Variants in DLC1 observed in about 807,000 individuals in gnomAD.
DLC1 encodes DLC1 Rho GTPase activating protein.
In DLC1, 54 loss-of-function variants were observed where a neutral mutation model predicts 140.3. The observed-to-expected ratio is 0.38, with a 90% CI of 0.31 to 0.48. The LOEUF (loss-of-function observed/expected upper bound fraction) is 0.48, where lower values mean the gene tolerates loss of function less well. Ranked by LOEUF, DLC1 falls within the 20% of genes least tolerant of loss-of-function variation. The pLI is 0.96. For synonymous variants in DLC1, 986 were observed against 728.1 expected (o/e 1.35, Z -5.70); for missense variants, 2,536 against 1,907.0 (o/e 1.33, Z -6.14).
intron 16 of DLC1, among the ~76,000 whole-genome samples, chr8:13,087,109 G>C (rs1286734278): frequency 2.0e-5 from 3 of 152,148 alleles, no homozygotes; most frequent in Non-Finnish European, 4.4e-5. Context: ...ACAGCAAAAA[G>C]ACCCTCATTA....
chr8:13,263,499 C>T (rs752162478), intron 5 of DLC1, among the ~76,000 whole-genome samples: 1 of 151,766 alleles, frequency 6.6e-6, no homozygotes, highest in Non-Finnish European at 1.5e-5. Context: ...TCATTTCAAA[C>T]TTTATTCATC....
chr8:13,181,443 C>A (rs7835954), intron 5 of DLC1, among the ~76,000 whole-genome samples: 3,956 of 150,768 alleles, frequency 0.026, 167 homozygotes, highest in African/African-American at 0.092. Flanking sequence ...CCCATCAACT[C>A]GTCATTTATA....
At chr8:13,303,934 G>A (rs926498580) in intron 5 of DLC1, among the ~76,000 whole-genome samples, 11 of 152,146 alleles carry the variant, frequency 7.2e-5, no homozygotes, top group South Asian at 6.2e-4. Context: ...TCCTGTCTCC[G>A]CCAGCCATGG....
At chr8:13,299,877 A>T (rs1472160462) in intron 5 of DLC1, among the ~76,000 whole-genome samples, 1 of 152,234 alleles carries the variant, frequency 6.6e-6, no homozygotes, top group African/African-American at 2.4e-5. Flanking sequence ...CACAGTGGCG[A>T]TTCCTCAGAG....
In DLC1 at chr8:13,272,379, T is replaced by A. The variant is rs578188434; in HGVS notation, c.1348+32890A>T. Among the ~76,000 whole-genome samples, 4 of 152,086 alleles carry A rather than the reference T, an allele frequency of 2.6e-5. No individual in the cohort carries two copies. In the South Asian group the frequency reaches 8.3e-4, roughly 32 times the overall value. On this transcript the variant is annotated intron_variant, in intron 5 of 17. Coordinates refer to ENST00000276297, the MANE Select transcript of DLC1 (RefSeq NM_182643.3). ...TCTCTTGAACCAGGGAGGTGGAGGT[T>A]GCAGTGAGCGGAGATCATGCCACTG...
chr8:13,467,016 A>T (rs1263082429), intron 2 of DLC1, among the ~76,000 whole-genome samples: 4 of 151,854 alleles, frequency 2.6e-5, no homozygotes, highest in Non-Finnish European at 4.4e-5. Flanking sequence ...CTTATTTTAG[A>T]TCTTCTTTAA....
chr8:13,316,992 T>C (rs945975767), intron 4 of DLC1, among the ~76,000 whole-genome samples: 2 of 152,210 alleles, frequency 1.3e-5, no homozygotes, highest in Admixed American at 6.5e-5. Flanking sequence ...CCCCAGTCTC[T>C]TCCTATGTGG....
At chr8:13,545,763 T>C (rs1585260359) in intron 1 of DLC1, among the ~76,000 whole-genome samples, 1 of 152,144 alleles carries the variant, frequency 6.6e-6, no homozygotes, top group East Asian at 1.9e-4. Flanking sequence ...AACAAGACTT[T>C]CTATTTTCCT....
chr8:13,347,591 C>G (rs1037875353), intron 4 of DLC1, among the ~76,000 whole-genome samples: 2 of 152,130 alleles, frequency 1.3e-5, no homozygotes, highest in Non-Finnish European at 2.9e-5. Flanking sequence ...AGAGGATAGT[C>G]CTAGGCACCA....
At chr8:13,149,382 C>G (rs894317239) in intron 5 of DLC1, among the ~76,000 whole-genome samples, 7 of 152,182 alleles carry the variant, frequency 4.6e-5, no homozygotes, top group African/African-American at 1.7e-4. Context: ...TTCCTACCCC[C>G]AGAACTTGCT....
rs184406733 is a variant in DLC1, at chr8:13,146,453, A to C, written c.1349-30796T>G. On this transcript the variant is annotated intron_variant, in intron 5 of 17. Coordinates refer to ENST00000276297, the MANE Select transcript of DLC1 (RefSeq NM_182643.3). ...GTGATACTAAAAATAATAACTTTTTAATATCTAAATTTGTAAGTTATTAGA... is the reference window on the plus strand; with the variant it reads ...GTGATACTAAAAATAATAACTTTTTCATATCTAAATTTGTAAGTTATTAGA... Among the ~76,000 whole-genome samples the C allele has an allele frequency of 4.6e-3, 704 of 152,078 alleles. 1 individual carries two copies. Among genetic ancestry groups the C allele is most frequent in the Admixed American group, 9.8e-3 (149 of 15,268 alleles).
chr8:13,085,989 A>G (rs1817524057), intron 17 of DLC1, 58 bp from the exon 18 acceptor site: 7 of 1,594,978 alleles, frequency 4.4e-6, no homozygotes, highest in Non-Finnish European at 6.0e-6. Flanking sequence ...GCATGGAAAT[A>G]AAATGAGAAA....
chr8:13,479,859 GAGA>G (rs1800625055), intron 2 of DLC1, among the ~76,000 whole-genome samples: 4 of 32,154 alleles, frequency 1.2e-4, no homozygotes, highest in South Asian at 1.0e-3. Flanking sequence ...AGAAGAAGAA[GAGA>G]AAAAGAAAGA....
intron 5 of DLC1, among the ~76,000 whole-genome samples, chr8:13,269,850 G>A (rs1830852611): frequency 1.3e-5 from 2 of 150,158 alleles, no homozygotes; most frequent in Admixed American, 1.3e-4. Flanking sequence ...GAGGTCGGGA[G>A]ATCAAGACCA....
chr8:13,374,469 G>C (rs1172176115), intron 4 of DLC1, among the ~76,000 whole-genome samples: 1 of 152,054 alleles, frequency 6.6e-6, no homozygotes, highest in Non-Finnish European at 1.5e-5. Flanking sequence ...GAGGGAAGGG[G>C]GCCAAAATTA....
At chr8:13,412,633 G>C (rs1412159957) in intron 2 of DLC1, among the ~76,000 whole-genome samples, 1 of 152,028 alleles carries the variant, frequency 6.6e-6, no homozygotes. Flanking sequence ...TAATGCTTCA[G>C]TGCAAGTTAG....
chr8:13,134,468 A>T (rs899134295), intron 5 of DLC1, among the ~76,000 whole-genome samples: 3 of 152,190 alleles, frequency 2.0e-5, no homozygotes, highest in African/African-American at 2.4e-5. Context: ...AGATATATAG[A>T]GTATGTCTGA....
At chr8:13,600,878 C>A (rs1805852818) in intron 1 of DLC1, among the ~76,000 whole-genome samples, 1 of 151,746 alleles carries the variant, frequency 6.6e-6, no homozygotes, top group Non-Finnish European at 1.5e-5. Context: ...AATGTACAGT[C>A]ATTTACTACT....
intron 4 of DLC1, among the ~76,000 whole-genome samples, chr8:13,377,044 C>G (rs1032669382): frequency 9.2e-5 from 14 of 152,298 alleles, no homozygotes; most frequent in Middle Eastern, 3.4e-3. Context: ...CTGTGATTTA[C>G]TAGTTCTTGG....
Sources: allele counts gnomAD v4.1 joint callset (sites outside exome capture counted in the v4.1 genomes callset), GRCh38; gene constraint gnomAD v4.1.1; transcripts MANE v1.5; gene names NCBI Gene and HGNC (gene_info 2026-07-23, HGNC 2026-07-21).